SLCO1B3: variants seen among roughly 807,000 people sequenced by gnomAD.
The protein encoded by SLCO1B3 is solute carrier organic anion transporter family member 1B3, also known as liver-specific organic anion transporter 2.
A neutral mutation model predicts 71.8 loss-of-function variants in SLCO1B3; 72 were observed. That is an observed-to-expected ratio of 1.00 (90% CI 0.83 to 1.22). SLCO1B3 has a LOEUF of 1.22. Among genes scored for constraint, SLCO1B3 ranks in the 50% most tolerant of loss-of-function variants. The pLI is 0.00. For missense variants in SLCO1B3, 911 were observed against 819.7 expected, an observed-to-expected ratio of 1.11 and a Z score of -1.36; for synonymous variants, 298 against 278.4, an observed-to-expected ratio of 1.07 and a Z score of -0.70.
At chr12:20,820,308 A>G (rs1021624073) in intron 3 of SLCO1B3, among the ~76,000 whole-genome samples, 3 of 152,164 alleles carry the variant, frequency 2.0e-5, no homozygotes, top group Non-Finnish European at 4.4e-5. Context: ...TCAGTCAGAG[A>G]GCCTTGGGCC....
intron 3 of SLCO1B3, among the ~76,000 whole-genome samples, chr12:20,820,380 G>A (rs1486922395): frequency 6.6e-6 from 1 of 152,142 alleles, no homozygotes; most frequent in Non-Finnish European, 1.5e-5. Flanking sequence ...TTCCACTGGG[G>A]TCCCACACAG....
At chr12:20,877,699 A>T in intron 9 of SLCO1B3, 73 bp from the exon 10 acceptor site, 1 of 630,004 alleles carries the variant, frequency 1.6e-6, no homozygotes, top group East Asian at 4.0e-5. Flanking sequence ...AGTCTTATAT[A>T]ACTTATATTT....
intron 13 of SLCO1B3, among the ~76,000 whole-genome samples, chr12:20,896,682 C>G (rs1267045267): frequency 6.6e-6 from 1 of 152,190 alleles, no homozygotes; most frequent in Non-Finnish European, 1.5e-5. Context: ...GTTCCAACCT[C>G]TGCCTGTTAC....
chr12:20,901,108 C>A lies in SLCO1B3; in HGVS notation c.1748-242C>A, dbSNP rs147517874. Among the ~76,000 whole-genome samples the A allele has an allele frequency of 6.6e-5, 10 of 152,250 alleles. No individual in the cohort carries two copies. The East Asian group carries it at 1.5e-3, about 24-fold the overall frequency. On this transcript the variant is annotated intron_variant, in intron 14 of 15. Coordinates refer to ENST00000381545, the MANE Select transcript of SLCO1B3 (RefSeq NM_019844.4). ...ACAGAGTATATAGGCATATAATACT[C>A]TTTCTTCCCTCTGTATATAGGGAGA...
chr12:20,875,503 C>T, intron 9 of SLCO1B3, 26 bp downstream of exon 9: 2 of 1,584,062 alleles, frequency 1.3e-6, no homozygotes, highest in African/African-American at 1.4e-5. Flanking sequence ...TCATTGTCAA[C>T]TTGGAATTGT....
At chr12:20,872,878 C>T (rs182820041) in intron 8 of SLCO1B3, among the ~76,000 whole-genome samples, 81 of 152,234 alleles carry the variant, frequency 5.3e-4, no homozygotes, top group African/African-American at 1.7e-3. Flanking sequence ...TAGGAGAAAA[C>T]CTTCATCAAT....
intron 3 of SLCO1B3, among the ~76,000 whole-genome samples, chr12:20,834,702 C>G (rs1591751692): frequency 6.6e-6 from 1 of 152,074 alleles, no homozygotes; most frequent in Admixed American, 6.6e-5. Context: ...AGCTCCACTC[C>G]TGTGGCTTTG....
chr12:20,908,025 A>G (rs935429340), intron 15 of SLCO1B3, among the ~76,000 whole-genome samples: 2 of 152,210 alleles, frequency 1.3e-5, no homozygotes, highest in Non-Finnish European at 2.9e-5. Flanking sequence ...TGTTAGTTTC[A>G]GTATGAAAAG....
At chr12:20,899,674 T>A (rs953635309) in intron 14 of SLCO1B3, among the ~76,000 whole-genome samples, 17 of 152,188 alleles carry the variant, frequency 1.1e-4, no homozygotes, top group African/African-American at 4.1e-4. Flanking sequence ...TCAGAGACGA[T>A]ACCTCACTCC....
intron 3 of SLCO1B3, among the ~76,000 whole-genome samples, chr12:20,819,531 G>A (rs1465253059): frequency 6.6e-6 from 1 of 152,144 alleles, no homozygotes; most frequent in African/African-American, 2.4e-5. Context: ...GTGGAGGGAG[G>A]TATTGAGGAT....
intron 13 of SLCO1B3, among the ~76,000 whole-genome samples, chr12:20,891,005 A>T (rs1384726026): frequency 6.6e-6 from 1 of 152,106 alleles, no homozygotes; most frequent in African/African-American, 2.4e-5. Context: ...AGTGTTTAGT[A>T]TATTTATATA....
intron 15 of SLCO1B3, among the ~76,000 whole-genome samples, chr12:20,913,888 A>G (rs993525306): frequency 2.0e-5 from 3 of 152,182 alleles, no homozygotes; most frequent in African/African-American, 7.2e-5. Context: ...TGTAGCTGGG[A>G]ACACAGGCAT....
At chr12:20,829,156 G>A (rs1864487662) in intron 3 of SLCO1B3, among the ~76,000 whole-genome samples, 1 of 152,186 alleles carries the variant, frequency 6.6e-6, no homozygotes, top group Non-Finnish European at 1.5e-5. Flanking sequence ...AACCAGTTAA[G>A]TCAAACAAAC....
At chr12:20,875,549 AT>A in intron 9 of SLCO1B3, 72 bp downstream of exon 9, 1 of 1,455,300 alleles carries the variant, frequency 6.9e-7, no homozygotes, top group Non-Finnish European at 9.3e-7. Flanking sequence ...GTAAAAAAAA[AT>A]AAAGCATACT....
chr12:20,859,413 G>A (rs1435552050), intron 5 of SLCO1B3, among the ~76,000 whole-genome samples: 1 of 152,138 alleles, frequency 6.6e-6, no homozygotes, highest in Non-Finnish European at 1.5e-5. Context: ...ACAACGAGCA[G>A]TTTGTTAGAG....
intron 3 of SLCO1B3, among the ~76,000 whole-genome samples, chr12:20,834,297 T>TAC (rs1026314680): frequency 4.1e-5 from 6 of 145,296 alleles, no homozygotes; most frequent in Non-Finnish European, 7.5e-5. Context: ...TATATATATA[T>TAC]AATTATATAT....
At chr12:20,850,032 CTTTT>C (rs71043207) in intron 3 of SLCO1B3, among the ~76,000 whole-genome samples, 1 of 134,182 alleles carries the variant, frequency 7.5e-6, no homozygotes, top group African/African-American at 2.7e-5. Context: ...TCCCAACAGC[CTTTT>C]TTTTTTTTTT....
At position 20,888,404 on chromosome 12, in the gene SLCO1B3, G is replaced by T. The variant is rs1005933284; in HGVS notation, c.1682+4802G>T. ...AGTGTTTTGTAGTTCTCCTCGTAGA[G>T]ACTTTTTTACCTCTTAGTTTAAATG... is the stretch of plus-strand genomic sequence containing the variant. On this transcript the variant is annotated intron_variant, in intron 13 of 15. Transcript: ENST00000381545. Among the ~76,000 whole-genome samples, 3 of 151,928 alleles carry T rather than the reference G, an allele frequency of 2.0e-5. No homozygotes were observed. In the South Asian group the frequency reaches 6.2e-4, roughly 32 times the overall value.
At position 20,883,549 on chromosome 12, in the gene SLCO1B3, A is replaced by G. The variant is rs781196802; in HGVS notation, c.1629A>G (p.Ile543Met). ...TCATCTATGTTGCAATTCAAGTCAT[A>G]AACTCTTTGTTCTCTGCAACAGGAG... ...KFFIYVAIQV[I>M]NSLFSATGGT... The change falls in exon 13 of 16, where the codon ATA becomes ATG. Residue 543 changes from isoleucine (I) to methionine (M), a missense_variant. By Grantham distance (10) the Ile-to-Met change is conservative. Coordinates refer to ENST00000381545, the MANE Select transcript of SLCO1B3 (RefSeq NM_019844.4). The G allele has an allele frequency of 6.2e-7, 1 of 1,604,738 alleles. No individual in the cohort carries two copies. Among genetic ancestry groups the G allele is most frequent in the Non-Finnish European group, 8.5e-7 (1 of 1,176,824 alleles).
Sources: gnomAD v4.1 joint callset for allele counts (sites outside exome capture counted in the v4.1 genomes callset) on GRCh38, gnomAD v4.1.1 for gene constraint, MANE v1.5 for transcripts, NCBI Gene and HGNC (gene_info 2026-07-23, HGNC 2026-07-21) for gene names.